Variants in LIN9 observed in about 807,000 individuals in gnomAD.
The protein encoded by LIN9 is protein lin-9 homolog.
Under a neutral mutation model 78.0 loss-of-function variants are expected in LIN9, and 18 were observed. That is an observed-to-expected ratio of 0.23 (90% CI 0.16 to 0.34). LIN9 has a LOEUF of 0.34. Among genes scored for constraint, LIN9 ranks in the 10% least tolerant of loss-of-function variants. LIN9 has a pLI of 1.00. For synonymous variants in LIN9, 192 were observed against 215.2 expected, an observed-to-expected ratio of 0.89 and a Z score of 0.94; for missense variants, 451 against 644.1, an observed-to-expected ratio of 0.70 and a Z score of 3.25.
intron 10 of LIN9, among the ~76,000 whole-genome samples, chr1:226,256,568 TA>T (rs891517498): frequency 5.3e-5 from 8 of 150,560 alleles, no homozygotes; most frequent in African/African-American, 1.7e-4. Context: ...TATATATATA[TA>T]TTTTTTTGAG....
At position 226,233,421 on chromosome 1, in the gene LIN9, T is replaced by C; in HGVS notation, c.1348A>G (p.Thr450Ala). 6.2e-7 allele frequency: 1 copy of C among 1,614,194 alleles called. No individual in the cohort carries two copies. The highest frequency in any genetic ancestry group is 8.5e-7 in the Non-Finnish European group (1 of 1,180,024). ...QEIVRHANSS[T>A]GQPCVENENL... ...TCATTTTCAACGCAGGGCTGTCCTG[T>C]TGAGGAATTTGCATGCCGAACAATT... The change falls in exon 13 of 15, where the codon ACA becomes GCA. Residue 450 changes from threonine to alanine, a missense_variant. Physicochemically the swap from Thr to Ala is moderately conservative, Grantham distance 58. Coordinates refer to ENST00000681046, the MANE Select transcript of LIN9 (RefSeq NM_001366245.2).
chr1:226,268,003 T>A lies in LIN9; in HGVS notation c.770A>T (p.Asp257Val), dbSNP rs1438534895. ...GGTATGGGTTCCAAGCCCTGTCCTATCAAAAGTTACTCTATAAGTAGCATT... is the reference window on the plus strand; with the variant it reads ...GGTATGGGTTCCAAGCCCTGTCCTAACAAAAGTTACTCTATAAGTAGCATT... The part of the protein sequence containing the change: ...TLNATYRVTF[D>V]RTGLGTHTIP... The change falls in exon 8 of 15, where the codon GAT becomes GTT. Residue 257 changes from aspartate (D) to valine (V), a missense_variant. Coordinates refer to ENST00000681046, the MANE Select transcript of LIN9 (RefSeq NM_001366245.2). 1 of 1,614,030 alleles carries A rather than the reference T, an allele frequency of 6.2e-7. No individual in the cohort carries two copies. Among genetic ancestry groups the A allele is most frequent in the East Asian group, 2.2e-5 (1 of 44,858 alleles).
intron 6 of LIN9, among the ~76,000 whole-genome samples, chr1:226,285,623 A>G (rs1661342655): frequency 6.6e-6 from 1 of 152,208 alleles, no homozygotes; most frequent in African/African-American, 2.4e-5. Context: ...CAAAAGTAAT[A>G]TAAGGTTTTC....
chr1:226,276,876 C>A (rs189157585), intron 7 of LIN9, among the ~76,000 whole-genome samples: 16 of 152,100 alleles, frequency 1.1e-4, no homozygotes, highest in Admixed American at 3.3e-4. Flanking sequence ...AATTTACACC[C>A]CTATAAAATG....
chr1:226,274,266 C>T (rs545475305), intron 7 of LIN9, among the ~76,000 whole-genome samples: 1 of 152,322 alleles, frequency 6.6e-6, no homozygotes, highest in East Asian at 1.9e-4. Context: ...TTCCAGTTTA[C>T]ATAAGATATC....
intron 11 of LIN9, among the ~76,000 whole-genome samples, chr1:226,242,821 C>G (rs562702847): frequency 6.6e-6 from 1 of 152,284 alleles, no homozygotes; most frequent in South Asian, 2.1e-4. Flanking sequence ...TCAGCCTACT[C>G]AACGTGAAGA....
chr1:226,278,093 C>G (rs1014468840), intron 6 of LIN9, among the ~76,000 whole-genome samples, 161 bp from the exon 7 acceptor site: 2 of 151,942 alleles, frequency 1.3e-5, no homozygotes, highest in African/African-American at 2.4e-5. Flanking sequence ...CCGGCTCAAG[C>G]GATTCTGGGC....
intron 11 of LIN9, among the ~76,000 whole-genome samples, chr1:226,247,655 CTTG>C (rs1658566706): frequency 6.7e-6 from 1 of 149,814 alleles, no homozygotes; most frequent in African/African-American, 2.5e-5. Context: ...TCCTTAATGC[CTTG>C]TTGTTTGTTT....
At chr1:226,272,392 T>G (rs1340217535) in intron 7 of LIN9, among the ~76,000 whole-genome samples, 1 of 151,272 alleles carries the variant, frequency 6.6e-6, no homozygotes, top group African/African-American at 2.4e-5. Context: ...TTTTTTTTTT[T>G]TTTTTGAGAC....
chr1:226,266,497 T>C (rs1477885845), intron 8 of LIN9, among the ~76,000 whole-genome samples, 165 bp from the exon 9 acceptor site: 1 of 150,084 alleles, frequency 6.7e-6, no homozygotes, highest in African/African-American at 2.4e-5. Flanking sequence ...TATTAGTCTA[T>C]ACAGATCAAA....
intron 12 of LIN9, 79 bp from the exon 13 acceptor site, chr1:226,233,602 CA>C: frequency 2.7e-6 from 3 of 1,098,526 alleles, no homozygotes; most frequent in Non-Finnish European, 3.6e-6. Flanking sequence ...GCCCTCTTTT[CA>C]GATTTTAATT....
In LIN9 at chr1:226,250,879, A is replaced by G; in HGVS notation, c.1079T>C (p.Ile360Thr). 1.3e-6 allele frequency: 2 copies of G among 1,544,414 alleles called. No homozygotes were observed. The highest frequency in any genetic ancestry group is 1.8e-6 in the Non-Finnish European group (2 of 1,127,072). ...SKILMIKKEH[I>T]KKLREMNTEA... ...TGTGTTCATTTCCCTTAATTTCTTG[A>G]TATGTTCCTTTTTAATCATGAGAAT... The change falls in exon 11 of 15, where the codon ATC becomes ACC. Residue 360 changes from isoleucine to threonine, a missense_variant. Transcript: ENST00000681046.
intron 1 of LIN9, 105 bp downstream of exon 1, chr1:226,309,004 C>G: frequency 1.7e-6 from 2 of 1,170,792 alleles, no homozygotes; most frequent in Non-Finnish European, 1.1e-6. Flanking sequence ...GGCTGGCAGT[C>G]AGCCCACCTG....
intron 2 of LIN9, among the ~76,000 whole-genome samples, chr1:226,300,598 G>A (rs1662469831): frequency 6.6e-6 from 1 of 152,206 alleles, no homozygotes; most frequent in African/African-American, 2.4e-5. Flanking sequence ...GCTCACGCCT[G>A]TAATCCCAGC....
At chr1:226,302,901 CTT>C (rs1057420678) in intron 1 of LIN9, among the ~76,000 whole-genome samples, 14 of 152,192 alleles carry the variant, frequency 9.2e-5, no homozygotes, top group Admixed American at 2.6e-4. Flanking sequence ...CCTCAACTGA[CTT>C]TTTCCTCCAC....
intron 1 of LIN9, 108 bp downstream of exon 1, chr1:226,308,997 TGGCA>T: frequency 9.1e-7 from 1 of 1,096,658 alleles, no homozygotes; most frequent in Non-Finnish European, 1.2e-6. Flanking sequence ...ACAGTGGGGC[TGGCA>T]GTCAGCCCAC....
At chr1:226,271,123 G>A (rs1039251506) in intron 7 of LIN9, among the ~76,000 whole-genome samples, 8 of 152,118 alleles carry the variant, frequency 5.3e-5, no homozygotes, top group Non-Finnish European at 7.4e-5. Flanking sequence ...TAAGTATGAC[G>A]TCTCAAACAA....
Position 226,265,010 on chromosome 1 carries a change from C to T in LIN9, c.1038+523G>A, listed in dbSNP as rs1659823045. On this transcript the variant is annotated intron_variant, in intron 10 of 14. Coordinates refer to ENST00000681046, the MANE Select transcript of LIN9 (RefSeq NM_001366245.2). This position sits in a 1 kb window ranked among gnomAD's most constrained non-coding sequence, Gnocchi z 4.1. ...CAAACTCACTACATTTTTAAGAGTC[C>T]AGCTATAAGGAAATTTTCCAATATA... 6.6e-6 allele frequency among the ~76,000 whole-genome samples: 1 copy of T among 151,954 alleles called. No individual in the cohort carries two copies. The highest frequency in any genetic ancestry group is 2.4e-5 in the African/African-American group (1 of 41,336).
chr1:226,256,426 A>T (rs1415353090), intron 10 of LIN9, among the ~76,000 whole-genome samples: 1 of 152,030 alleles, frequency 6.6e-6, no homozygotes, highest in Non-Finnish European at 1.5e-5. Flanking sequence ...AGGACTGGGC[A>T]TCATAGCTCA....
Sources: allele counts gnomAD v4.1 joint callset (sites outside exome capture counted in the v4.1 genomes callset), GRCh38; gene constraint gnomAD v4.1.1; non-coding constraint Gnocchi (gnomAD v3.1); transcripts MANE v1.5; gene names NCBI Gene and HGNC (gene_info 2026-07-23, HGNC 2026-07-21).